Variants in AVEN observed in about 807,000 individuals in gnomAD.
AVEN encodes the protein cell death regulator Aven.
Under a neutral mutation model 38.1 loss-of-function variants are expected in AVEN, and 41 were observed. That is an observed-to-expected ratio of 1.08 (90% CI 0.84 to 1.40). The LOEUF is 1.40. AVEN is among the 40% of genes most tolerant of loss of function. AVEN has a pLI of 0.00. For synonymous variants in AVEN, 206 were observed against 171.8 expected (o/e 1.20, Z -1.56); for missense variants, 605 against 438.8 (o/e 1.38, Z -3.38).
intron 2 of AVEN, among the ~76,000 whole-genome samples, chr15:33,956,901 T>C (rs1894974595): frequency 6.6e-6 from 1 of 152,212 alleles, no homozygotes; most frequent in South Asian, 2.1e-4. Context: ...AACACCATTT[T>C]CCTGACAAAT....
At chr15:34,020,738 G>C (rs981939564) in intron 1 of AVEN, among the ~76,000 whole-genome samples, 3 of 152,132 alleles carry the variant, frequency 2.0e-5, no homozygotes, top group Non-Finnish European at 4.4e-5. Flanking sequence ...GTCATGAAAA[G>C]CTGTAAATGA....
chr15:34,000,233 T>C (rs1897086473), intron 2 of AVEN, among the ~76,000 whole-genome samples: 1 of 152,232 alleles, frequency 6.6e-6, no homozygotes, highest in African/African-American at 2.4e-5. Context: ...GCATTTAACA[T>C]TTTATATACT....
chr15:34,061,758 A>G (rs1191295134), intron 5 of AVEN, among the ~76,000 whole-genome samples: 1 of 152,206 alleles, frequency 6.6e-6, no homozygotes, highest in African/African-American at 2.4e-5. Context: ...TATCTTCAGC[A>G]GCTGGGGCAA....
chr15:33,870,891 C>T, intron 4 of AVEN, 44 bp downstream of exon 4: 1 of 1,464,894 alleles, frequency 6.8e-7, no homozygotes, highest in South Asian at 1.2e-5. Flanking sequence ...TTTTTCTCCT[C>T]CTGCCCTAAT....
chr15:33,951,336 C>G (rs1336818624), intron 2 of AVEN, among the ~76,000 whole-genome samples: 1 of 151,800 alleles, frequency 6.6e-6, no homozygotes, highest in African/African-American at 2.4e-5. Context: ...TTTAATACTT[C>G]TAGACATTAT....
At chr15:33,994,662 G>A (rs538459237) in intron 2 of AVEN, among the ~76,000 whole-genome samples, 1 of 152,138 alleles carries the variant, frequency 6.6e-6, no homozygotes, top group Non-Finnish European at 1.5e-5. Context: ...AGTGAGCATC[G>A]ACATATACAT....
At chr15:34,060,742 T>G (rs1476159632) in intron 5 of AVEN, among the ~76,000 whole-genome samples, 1 of 152,150 alleles carries the variant, frequency 6.6e-6, no homozygotes, top group Non-Finnish European at 1.5e-5. Context: ...CCAGGCTTGG[T>G]GGCTGTAATC....
intron 2 of AVEN, among the ~76,000 whole-genome samples, chr15:33,932,508 C>T (rs1248054494): frequency 2.0e-5 from 3 of 152,154 alleles, no homozygotes; most frequent in East Asian, 1.9e-4. Flanking sequence ...AAGAAATGGT[C>T]TCCTTAAGCC....
intron 2 of AVEN, among the ~76,000 whole-genome samples, chr15:33,893,951 ATTTT>A (rs11463061): frequency 7.0e-6 from 1 of 142,312 alleles, no homozygotes; most frequent in African/African-American, 2.6e-5. Context: ...TGATGCCAAG[ATTTT>A]TTTTTTTTTT....
At chr15:34,071,124 T>C (rs1900615902) in intron 1 of AVEN, among the ~76,000 whole-genome samples, 1 of 152,168 alleles carries the variant, frequency 6.6e-6, no homozygotes, top group Non-Finnish European at 1.5e-5. Context: ...AGAGGGTACT[T>C]TCCCAGTTCT....
intron 2 of AVEN, among the ~76,000 whole-genome samples, chr15:33,966,475 T>C (rs774433706): frequency 1.1e-4 from 16 of 152,182 alleles, no homozygotes; most frequent in Non-Finnish European, 1.8e-4. Context: ...TGACAAGAGA[T>C]ACTCAAGAGT....
chr15:33,985,071 G>A (rs904015411), intron 2 of AVEN, among the ~76,000 whole-genome samples: 1 of 151,998 alleles, frequency 6.6e-6, no homozygotes, highest in African/African-American at 2.4e-5. Context: ...CTGTCACACT[G>A]AACTGTATTT....
chr15:33,872,411 G>C (rs537682552), intron 3 of AVEN, among the ~76,000 whole-genome samples: 2 of 152,126 alleles, frequency 1.3e-5, no homozygotes, highest in African/African-American at 2.4e-5. Flanking sequence ...ATCCTCCTCA[G>C]AATCTACAGC....
intron 2 of AVEN, among the ~76,000 whole-genome samples, chr15:33,910,509 T>G (rs1188915739): frequency 6.6e-6 from 1 of 152,226 alleles, no homozygotes; most frequent in Admixed American, 6.5e-5. Flanking sequence ...GTATCTGTCA[T>G]GTAATTATCC....
chr15:33,859,824 G>T, intron 11 of AVEN: 1 of 1,293,890 alleles, frequency 7.7e-7, no homozygotes, highest in Non-Finnish European at 1.1e-6. Context: ...ATGAAGAAGC[G>T]TGTGAATTCA....
chr15:34,008,558 G>A (rs778811284), intron 1 of AVEN, among the ~76,000 whole-genome samples: 55 of 144,424 alleles, frequency 3.8e-4, no homozygotes, highest in Non-Finnish European at 7.1e-4. Context: ...GCACAATCTC[G>A]GCTCGCTGCA....
intron 1 of AVEN, among the ~76,000 whole-genome samples, chr15:34,025,208 G>A (rs1898402356): frequency 6.6e-6 from 1 of 152,188 alleles, no homozygotes; most frequent in Non-Finnish European, 1.5e-5. Context: ...ATGTGAAAAT[G>A]AATAAGATTC....
At chr15:33,937,580 A>G (rs1424880100) in intron 2 of AVEN, among the ~76,000 whole-genome samples, 1 of 152,046 alleles carries the variant, frequency 6.6e-6, no homozygotes, top group African/African-American at 2.4e-5. Flanking sequence ...ATCCCCCCAA[A>G]ATTTATATGT....
At chr15:33,922,044 T>C (rs1486978132) in intron 2 of AVEN, among the ~76,000 whole-genome samples, 1 of 152,082 alleles carries the variant, frequency 6.6e-6, no homozygotes, top group East Asian at 1.9e-4. Flanking sequence ...TGACAAACAA[T>C]CCAATGGTGT....
Sources: gnomAD v4.1 joint callset for allele counts (sites outside exome capture counted in the v4.1 genomes callset) on GRCh38, gnomAD v4.1.1 for gene constraint, MANE v1.5 for transcripts, NCBI Gene and HGNC (gene_info 2026-07-23, HGNC 2026-07-21) for gene names.